Variants in CDH13 observed in about 807,000 individuals in gnomAD.
The protein encoded by CDH13 is cadherin-13.
A neutral mutation model predicts 63.8 loss-of-function variants in CDH13; 24 were observed. The ratio of observed to expected loss-of-function variants is 0.38; its 90% CI spans 0.27 to 0.53. CDH13 has a LOEUF of 0.53. CDH13 is among the 20% of genes least tolerant of loss of function. CDH13 has a pLI of 0.85. For synonymous variants in CDH13, 503 were observed against 355.3 expected, an observed-to-expected ratio of 1.42 and a Z score of -4.67; for missense variants, 1,049 against 903.1, an observed-to-expected ratio of 1.16 and a Z score of -2.07.
At chr16:83,119,955 A>G (rs2035489004) in intron 3 of CDH13, among the ~76,000 whole-genome samples, 1 of 152,256 alleles carries the variant, frequency 6.6e-6, no homozygotes, top group Non-Finnish European at 1.5e-5. Flanking sequence ...CCAGAAACGC[A>G]GAGCCATGGA....
chr16:82,717,434 TAAAA>T (rs5818399), intron 1 of CDH13, among the ~76,000 whole-genome samples: 16 of 122,950 alleles, frequency 1.3e-4, no homozygotes, highest in East Asian at 2.4e-4. Context: ...AGACTTTGCC[TAAAA>T]AAAAAAAAAA....
At chr16:83,027,744 A>C (rs1335254909) in intron 2 of CDH13, among the ~76,000 whole-genome samples, 1 of 152,136 alleles carries the variant, frequency 6.6e-6, no homozygotes, top group Non-Finnish European at 1.5e-5. Flanking sequence ...GCTTATCTCC[A>C]TTCTAACTTC....
chr16:83,780,020 G>A lies in CDH13; in HGVS notation c.1734G>A (p.Val578=), dbSNP rs576641964. ...CTTTGCTGATAACCCTGGAGGACGT[G>A]AATGACAATGCCCCGTTCATTTACC... ...TGTLLITLED[V]NDNAPFIYPT... is the part of the protein sequence containing the mutation. The change falls in exon 12 of 14, where the codon GTG becomes GTA. Residue 578 remains valine (V), a synonymous_variant. Transcript: ENST00000567109. The A allele has an allele frequency of 6.2e-7, 1 of 1,613,938 alleles. No individual in the cohort carries two copies. The highest frequency in any genetic ancestry group is 1.1e-5 in the South Asian group (1 of 91,074).
At chr16:82,971,995 C>T (rs77277794) in intron 2 of CDH13, among the ~76,000 whole-genome samples, 1,550 of 152,330 alleles carry the variant, frequency 0.01, 15 homozygotes, top group Middle Eastern at 0.024. Context: ...CCCATTATTG[C>T]TGGGCCCTGC....
intron 8 of CDH13, among the ~76,000 whole-genome samples, chr16:83,669,556 T>C (rs1160508357): frequency 6.6e-6 from 1 of 152,152 alleles, no homozygotes; most frequent in African/African-American, 2.4e-5. Context: ...CCTCCATGCA[T>C]GTTCTAAGAA....
intron 1 of CDH13, among the ~76,000 whole-genome samples, chr16:82,660,972 T>G (rs1454057235): frequency 6.6e-6 from 1 of 151,952 alleles, no homozygotes; most frequent in Admixed American, 6.6e-5. Context: ...GAAGAAGTCA[T>G]AAAAACAAAC....
chr16:83,169,952 T>A (rs1023039118), intron 4 of CDH13, among the ~76,000 whole-genome samples: 1 of 152,168 alleles, frequency 6.6e-6, no homozygotes, highest in Non-Finnish European at 1.5e-5. Context: ...TTACTTTCGA[T>A]GTATGGTTTA....
At position 83,194,389 on chromosome 16, in the gene CDH13, T is replaced by C. The variant is rs565220938; in HGVS notation, c.484-22956T>C. Among the ~76,000 whole-genome samples the C allele has an allele frequency of 4.6e-5, 7 of 152,338 alleles. No homozygotes were observed. The South Asian group carries it at 6.2e-4, about 14-fold the overall frequency. ...TGACTACATAGAAAGAAAAACCACA[T>C]TGTTTTCCTGTCTCCCCATGGAATG... On this transcript the variant is annotated intron_variant, in intron 4 of 13. Coordinates refer to ENST00000567109, the MANE Select transcript of CDH13 (RefSeq NM_001257.5).
intron 1 of CDH13, among the ~76,000 whole-genome samples, chr16:82,758,048 A>C (rs1182144789): frequency 1.3e-5 from 2 of 152,122 alleles, no homozygotes; most frequent in African/African-American, 4.8e-5. Context: ...CTTTCAGGTT[A>C]GTTGTAGATA....
At chr16:82,816,843 C>T (rs140693122) in intron 1 of CDH13, among the ~76,000 whole-genome samples, 24 of 151,898 alleles carry the variant, frequency 1.6e-4, no homozygotes, top group Non-Finnish European at 3.1e-4. Context: ...ATCATCTCAT[C>T]TCTGCACTCC....
At position 83,102,930 on chromosome 16, in the gene CDH13, C is replaced by CTTTTTTT. The variant is rs71148812; in HGVS notation, c.367-22450_367-22444dup. Among the ~76,000 whole-genome samples the CTTTTTTT allele has an allele frequency of 1.9e-3, 184 of 96,814 alleles. 1 individual carries two copies. The highest frequency in any genetic ancestry group is 6.3e-3 in the Middle Eastern group (1 of 158). 63.5% of individuals were successfully genotyped at this position (96,814 alleles called of 152,430 possible). On this transcript the variant is annotated intron_variant, in intron 3 of 13. Coordinates refer to ENST00000567109, the MANE Select transcript of CDH13 (RefSeq NM_001257.5). ...AACTTTCTTTTTTTTTTTTCTTTTTCTTTTTTTTTTTCTTTTTCTTTTTTT... is the reference window on the plus strand; with the variant it reads ...AACTTTCTTTTTTTTTTTTCTTTTTCTTTTTTTTTTTTTTTTTTCTTTTTCTTTTTTT...
At chr16:83,331,124 A>T (rs1420824743) in intron 5 of CDH13, among the ~76,000 whole-genome samples, 2 of 152,200 alleles carry the variant, frequency 1.3e-5, no homozygotes, top group African/African-American at 2.4e-5. Flanking sequence ...CACAGCTGAT[A>T]AGGGACGGAC....
chr16:83,054,404 T>C (rs1206418460), intron 3 of CDH13, among the ~76,000 whole-genome samples: 1 of 152,338 alleles, frequency 6.6e-6, no homozygotes, highest in South Asian at 2.1e-4. Flanking sequence ...TAAAGCTTAC[T>C]TGCATACAAG....
chr16:82,851,752 G>T (rs1242626651), intron 1 of CDH13, among the ~76,000 whole-genome samples: 1 of 152,086 alleles, frequency 6.6e-6, no homozygotes, highest in African/African-American at 2.4e-5. Flanking sequence ...CCTGTAGGCA[G>T]TATGCCTTTG....
intron 4 of CDH13, among the ~76,000 whole-genome samples, chr16:83,169,862 T>C (rs1236245680): frequency 6.6e-6 from 1 of 152,100 alleles, no homozygotes; most frequent in Non-Finnish European, 1.5e-5. Flanking sequence ...TGTTCCAAAA[T>C]CAAAGTCACA....
chr16:83,731,329 A>AC (rs71148852), intron 10 of CDH13, among the ~76,000 whole-genome samples: 3 of 151,892 alleles, frequency 2.0e-5, no homozygotes, highest in Non-Finnish European at 4.4e-5. Context: ...AGCATCTGTC[A>AC]TTTTTTGACT....
At chr16:83,234,101 C>G (rs1320887728) in intron 5 of CDH13, among the ~76,000 whole-genome samples, 1 of 152,206 alleles carries the variant, frequency 6.6e-6, no homozygotes, top group East Asian at 1.9e-4. Context: ...AGAAGTAACT[C>G]TGGATGAACC....
chr16:83,476,051 C>T (rs903765390), intron 6 of CDH13, among the ~76,000 whole-genome samples: 3 of 152,186 alleles, frequency 2.0e-5, no homozygotes, highest in African/African-American at 7.2e-5. Context: ...CTTTATATTA[C>T]CTTAAGCTGT....
chr16:82,810,748 A>AT (rs1473992328), intron 1 of CDH13, among the ~76,000 whole-genome samples: 1 of 152,098 alleles, frequency 6.6e-6, no homozygotes, highest in African/African-American at 2.4e-5. Flanking sequence ...TGTGAAGAGC[A>AT]TAAGAGGGGA....
Sources: allele counts gnomAD v4.1 joint callset (sites outside exome capture counted in the v4.1 genomes callset), GRCh38; gene constraint gnomAD v4.1.1; transcripts MANE v1.5; gene names NCBI Gene and HGNC (gene_info 2026-07-23, HGNC 2026-07-21).